The following EDN3 variants were observed in gnomAD, a reference collection of about 807,000 sequenced individuals.
EDN3 encodes endothelin-3.
In EDN3, 9 loss-of-function variants were observed where a neutral mutation model predicts 21.4. The ratio of observed to expected loss-of-function variants is 0.42; its 90% CI spans 0.25 to 0.73. The LOEUF is 0.73. EDN3 is among the 30% of genes least tolerant of loss of function. The probability of loss-of-function intolerance (pLI) is 0.26; values close to 1 mark genes in which losing one functional copy is unlikely to be tolerated. For missense variants in EDN3, 327 were observed against 309.4 expected, an observed-to-expected ratio of 1.06 and a Z score of -0.43; for synonymous variants, 133 against 126.2, an observed-to-expected ratio of 1.05 and a Z score of -0.36.
At chr20:59,303,283 G>A (rs1989172567) in intron 2 of EDN3, among the ~76,000 whole-genome samples, 1 of 152,174 alleles carries the variant, frequency 6.6e-6, no homozygotes, top group Admixed American at 6.5e-5. Flanking sequence ...CCCTTTGTGG[G>A]GAAGATAGAA....
intron 2 of EDN3, among the ~76,000 whole-genome samples, chr20:59,315,792 C>T (rs1990135352): frequency 6.6e-6 from 1 of 152,134 alleles, no homozygotes; most frequent in Non-Finnish European, 1.5e-5. Context: ...CGCCCAGTCT[C>T]TGAGATCATT....
chr20:59,325,609 C>T lies in EDN3; in HGVS notation c.*1150C>T, dbSNP rs1990795261. The stretch of plus-strand genomic sequence containing the variant: ...ATTGGCCTTGACCAAATGTTAAATC[C>T]TCTGTGTGTATTTCATAAGTTATTA... On this transcript the variant is annotated 3_prime_UTR_variant, in exon 5 of 5. Transcript: ENST00000337938. 6.6e-6 allele frequency: 1 copy of T among 152,154 alleles called. No homozygotes were observed. The highest frequency in any genetic ancestry group is 2.4e-5 in the African/African-American group (1 of 41,414). The allele number at this position is 152,154 out of a possible 1,614,324, so 9.4% of individuals were successfully genotyped here.
intron 2 of EDN3, among the ~76,000 whole-genome samples, chr20:59,314,928 G>A (rs750511263): frequency 1.3e-5 from 2 of 152,154 alleles, no homozygotes; most frequent in African/African-American, 4.8e-5. Flanking sequence ...ACTTTCATGG[G>A]CCTTTGAATA....
chr20:59,302,566 A>G (rs9679855), intron 2 of EDN3, among the ~76,000 whole-genome samples: 8,539 of 152,110 alleles, frequency 0.056, 352 homozygotes, highest in Middle Eastern at 0.13. Context: ...TGCAGGCCAT[A>G]CAGAGGGCTT....
Position 59,301,648 on chromosome 20 carries a change from C to G in EDN3, c.291C>G (p.Cys97Trp). Residue 97 changes from cysteine (C) to tryptophan (W), a missense_variant, in exon 2 of 5, where the codon TGC becomes TGG. Transcript: ENST00000337938. ...GAPEHHRSRR[C>W]TCFTYKDKEC... is the part of the protein sequence containing the mutation. ...CTGAGCACCACCGATCCAGGCGCTGCACGTGCTTCACCTACAAGGACAAGG... is the reference window on the plus strand; with the variant it reads ...CTGAGCACCACCGATCCAGGCGCTGGACGTGCTTCACCTACAAGGACAAGG... 5 of 1,614,208 alleles carry G rather than the reference C, an allele frequency of 3.1e-6. No individual in the cohort carries two copies. The highest frequency in any genetic ancestry group is 4.2e-6 in the Non-Finnish European group (5 of 1,180,014).
At chr20:59,304,539 C>T (rs1441457525) in intron 2 of EDN3, among the ~76,000 whole-genome samples, 1 of 152,208 alleles carries the variant, frequency 6.6e-6, no homozygotes, top group African/African-American at 2.4e-5. Context: ...CTTTCAGAGC[C>T]TTTCCTCCCA....
At chr20:59,306,595 T>TAAAAAAAAAAAA (rs57144708) in intron 2 of EDN3, among the ~76,000 whole-genome samples, 125 of 62,428 alleles carry the variant, frequency 2.0e-3, no homozygotes, top group East Asian at 6.8e-3. Flanking sequence ...GCATAAAGAG[T>TAAAAAAAAAAAA]AAAAAAAAAA....
rs1990618210 is a variant in EDN3, at chr20:59,322,575, C to T, written c.588+158C>T. Reference sequence around the variant, plus strand: ...ATGCTGCACCCACAAGCAATGGTGCCTTTGGTGGACCGTTTCTGGGGGCAG... The same window carrying T: ...ATGCTGCACCCACAAGCAATGGTGCTTTTGGTGGACCGTTTCTGGGGGCAG... On this transcript the variant is annotated intron_variant, in intron 4 of 4. Transcript: ENST00000337938. This position sits in a 1 kb window ranked among gnomAD's most constrained non-coding sequence, Gnocchi z 4.1. The T allele has an allele frequency of 1.5e-5, 15 of 996,444 alleles. No homozygotes were observed. In the South Asian group the frequency reaches 1.9e-4, roughly 13 times the overall value. 61.7% of individuals were successfully genotyped at this position (996,444 alleles called of 1,614,324 possible). A position where few individuals can be genotyped will look rare whatever the true frequency, so the allele number is the denominator to read the frequency against.
chr20:59,301,481 T>C lies in EDN3; in HGVS notation c.124T>C (p.Ser42Pro), dbSNP rs1482525128. 1 of 1,613,242 alleles carries C rather than the reference T, an allele frequency of 6.2e-7. No homozygotes were observed. Among genetic ancestry groups the C allele is most frequent in the East Asian group, 2.2e-5 (1 of 44,868 alleles). ...GTCCCAGGCCCCCACTGCAGCCAGA[T>C]CTGAGGGGGACTGTGAAGAGACTGT... ...GVSQAPTAAR[S>P]EGDCEETVAG... Residue 42 changes from serine (S) to proline (P), a missense_variant, in exon 2 of 5, where the codon TCT becomes CCT. Transcript: ENST00000337938.
chr20:59,314,702 C>A (rs1208969746), intron 2 of EDN3, among the ~76,000 whole-genome samples: 1 of 152,072 alleles, frequency 6.6e-6, no homozygotes, highest in South Asian at 2.1e-4. Context: ...CCCCCAGAGA[C>A]CTCACACAAT....
In EDN3 at chr20:59,322,437, G is replaced by A; in HGVS notation, c.588+20G>A. On this transcript the variant is annotated intron_variant, in intron 4 of 4. Coordinates refer to ENST00000337938, the MANE Select transcript of EDN3 (RefSeq NM_207034.3). This position sits in a 1 kb window ranked among gnomAD's most constrained non-coding sequence, Gnocchi z 4.1. ...GGGAAGGTGAGAGGTGCCAACAGAG[G>A]CCTGTGTCAAAGGAGGTGAAGATGT... 6.2e-7 allele frequency: 1 copy of A among 1,614,232 alleles called. No individual in the cohort carries two copies. The highest frequency in any genetic ancestry group is 8.5e-7 in the Non-Finnish European group (1 of 1,180,042).
intron 2 of EDN3, among the ~76,000 whole-genome samples, chr20:59,314,719 C>T (rs1318945659): frequency 8.6e-5 from 13 of 152,028 alleles, no homozygotes; most frequent in Non-Finnish European, 1.0e-4. Context: ...CAATGGAAGG[C>T]GGATAATTCT....
chr20:59,307,708 A>C (rs1040427266), intron 2 of EDN3, among the ~76,000 whole-genome samples: 1 of 152,156 alleles, frequency 6.6e-6, no homozygotes, highest in Admixed American at 6.6e-5. Context: ...ACAGTGTCTC[A>C]TTCTGTCGCC....
At position 59,322,140 on chromosome 20, in the gene EDN3, C is replaced by T. The variant is rs971069150; in HGVS notation, c.543-232C>T. 1.3e-5 allele frequency among the ~76,000 whole-genome samples: 2 copies of T among 152,182 alleles called. No individual in the cohort carries two copies. Among genetic ancestry groups the T allele is most frequent in the Admixed American group, 6.5e-5 (1 of 15,286 alleles). On this transcript the variant is annotated intron_variant, in intron 3 of 4. Coordinates refer to ENST00000337938, the MANE Select transcript of EDN3 (RefSeq NM_207034.3). This position sits in a 1 kb window ranked among gnomAD's most constrained non-coding sequence, Gnocchi z 4.1. ...AGTGTGAACTGCATGGTTTTTCCCC[C>T]CTTCTGGGCTTTTAAACATCCGATG...
At chr20:59,313,801 T>G (rs753105097) in intron 2 of EDN3, among the ~76,000 whole-genome samples, 3 of 152,224 alleles carry the variant, frequency 2.0e-5, no homozygotes, top group Non-Finnish European at 4.4e-5. Flanking sequence ...TAATATTCTT[T>G]AGAACCAGAA....
chr20:59,315,320 G>A (rs918417667), intron 2 of EDN3, among the ~76,000 whole-genome samples: 1 of 152,240 alleles, frequency 6.6e-6, no homozygotes, highest in African/African-American at 2.4e-5. Flanking sequence ...GGAAACAGTT[G>A]TTTCTCCTCC....
At chr20:59,304,123 C>T (rs1296417345) in intron 2 of EDN3, among the ~76,000 whole-genome samples, 1 of 151,734 alleles carries the variant, frequency 6.6e-6, no homozygotes, top group Non-Finnish European at 1.5e-5. Context: ...CTTTTCCCTC[C>T]CTCCTTCCCT....
chr20:59,304,811 T>A (rs1182658436), intron 2 of EDN3, among the ~76,000 whole-genome samples: 4 of 152,170 alleles, frequency 2.6e-5, no homozygotes, highest in Non-Finnish European at 4.4e-5. Context: ...GCCCTCCTGC[T>A]TTTTTCCCCT....
At chr20:59,315,991 C>G (rs927317589) in intron 2 of EDN3, among the ~76,000 whole-genome samples, 2 of 152,120 alleles carry the variant, frequency 1.3e-5, no homozygotes, top group East Asian at 3.9e-4. Flanking sequence ...TGAGACCATT[C>G]TGGCCAACAT....
Sources: gnomAD v4.1 joint callset for allele counts (sites outside exome capture counted in the v4.1 genomes callset) on GRCh38, gnomAD v4.1.1 for gene constraint, Gnocchi (gnomAD v3.1) non-coding constraint, MANE v1.5 for transcripts, NCBI Gene and HGNC (gene_info 2026-07-23, HGNC 2026-07-21) for gene names.